CCDC171: variants seen among roughly 807,000 people sequenced by gnomAD.
The protein encoded by CCDC171 is coiled-coil domain containing 171.
A neutral mutation model predicts 168.2 loss-of-function variants in CCDC171; 177 were observed. The observed-to-expected ratio is 1.05, with a 90% confidence interval of 0.93 to 1.19. The LOEUF (loss-of-function observed/expected upper bound fraction) is 1.19. CCDC171 is among the 50% of genes most tolerant of loss of function. CCDC171 has a pLI of 0.00. For synonymous variants in CCDC171, 687 were observed against 540.8 expected, an observed-to-expected ratio of 1.27 and a Z score of -3.75; for missense variants, 1,991 against 1,539.0, an observed-to-expected ratio of 1.29 and a Z score of -4.91.
chr9:15,810,994 T>C lies in CCDC171; in HGVS notation c.3267+26300T>C, dbSNP rs73420311. 9.2e-3 allele frequency among the ~76,000 whole-genome samples: 1,402 copies of C among 152,364 alleles called. 14 individuals carry two copies. Among genetic ancestry groups the C allele is most frequent in the African/African-American group, 0.031 (1,275 of 41,594 alleles). On this transcript the variant is annotated intron_variant, in intron 21 of 25. Coordinates refer to ENST00000380701, the MANE Select transcript of CCDC171 (RefSeq NM_173550.4). ...ATGGCAAGTGCTCACTAGTTTCATG[T>C]GGCTAGTAACTGTCATATCAGCAGC... is the stretch of plus-strand genomic sequence containing the variant.
intron 6 of CCDC171, among the ~76,000 whole-genome samples, chr9:15,610,473 A>C (rs867781583): frequency 8.4e-4 from 118 of 141,040 alleles, no homozygotes; most frequent in African/African-American, 1.4e-3. Flanking sequence ...AAAAAAAAAA[A>C]AAAAAAAACT....
intron 23 of CCDC171, among the ~76,000 whole-genome samples, chr9:15,861,694 A>G (rs1380933691): frequency 2.9e-4 from 1 of 3,398 alleles, no homozygotes; most frequent in Non-Finnish European, 6.4e-4. Context: ...TGGTGTATTC[A>G]TTCATTCATT....
chr9:15,857,702 G>A (rs188059955), intron 23 of CCDC171, among the ~76,000 whole-genome samples: 1 of 152,018 alleles, frequency 6.6e-6, no homozygotes, highest in East Asian at 1.9e-4. Context: ...GGGATTACAG[G>A]CATGAGCCAC....
chr9:15,651,706 A>G (rs1430564523), intron 7 of CCDC171, among the ~76,000 whole-genome samples: 6 of 152,158 alleles, frequency 3.9e-5, no homozygotes, highest in Non-Finnish European at 4.4e-5. Context: ...ATGGCCAAGT[A>G]GTATTCCATT....
intron 7 of CCDC171, among the ~76,000 whole-genome samples, chr9:15,656,190 G>A (rs748694587): frequency 6.6e-6 from 1 of 151,986 alleles, no homozygotes; most frequent in Non-Finnish European, 1.5e-5. Context: ...GTGGTGGCCG[G>A]TACGTGTAGT....
intron 7 of CCDC171, among the ~76,000 whole-genome samples, chr9:15,632,215 A>G (rs2045773690): frequency 6.9e-6 from 1 of 145,708 alleles, no homozygotes; most frequent in Non-Finnish European, 1.5e-5. Context: ...CAGTTAGGAA[A>G]AGAGGAAGTC....
In CCDC171 at chr9:16,023,466, T is replaced by G. The variant is rs564226321; in HGVS notation, n.998+558T>G. ...TTAACATCTCAAGAAATAATGAACA[T>G]TGCCGCACTGACTTAAGAATCACCA... On this transcript the variant is annotated intron_variant and non_coding_transcript_variant, in intron 6 of 9. Coordinates refer to the CCDC171 transcript ENST00000486641. 3.3e-5 allele frequency among the ~76,000 whole-genome samples: 5 copies of G among 152,300 alleles called. No homozygotes were observed. The South Asian group carries it at 1.0e-3, about 32-fold the overall frequency.
chr9:15,946,409 T>C (rs1231409692), intron 25 of CCDC171, among the ~76,000 whole-genome samples: 1 of 151,900 alleles, frequency 6.6e-6, no homozygotes, highest in Admixed American at 6.6e-5. Flanking sequence ...ATGAGTGAAC[T>C]CCCATTCACA....
At chr9:15,846,237 T>G (rs1362810126) in intron 21 of CCDC171, among the ~76,000 whole-genome samples, 3 of 152,140 alleles carry the variant, frequency 2.0e-5, no homozygotes, top group African/African-American at 7.2e-5. Flanking sequence ...TCTTTCATCT[T>G]GGGTTTACCA....
chr9:15,593,316 T>C (rs919402826), intron 5 of CCDC171, among the ~76,000 whole-genome samples: 1 of 152,124 alleles, frequency 6.6e-6, no homozygotes, highest in Admixed American at 6.6e-5. Context: ...AGTTAGAAAA[T>C]TGGGCTTCTC....
At chr9:15,602,413 A>G (rs2042920657) in intron 6 of CCDC171, among the ~76,000 whole-genome samples, 1 of 149,842 alleles carries the variant, frequency 6.7e-6, no homozygotes, top group Admixed American at 6.7e-5. Flanking sequence ...GTGAAACCCC[A>G]TCTTTAATAG....
At chr9:15,774,982 A>C (rs2135345806) in intron 18 of CCDC171, among the ~76,000 whole-genome samples, 1 of 152,298 alleles carries the variant, frequency 6.6e-6, no homozygotes, top group African/African-American at 2.4e-5. Context: ...GAGGGATAAA[A>C]GACTACACAT....
chr9:15,642,343 G>GTGTATATATATATATGTATATA, intron 7 of CCDC171, among the ~76,000 whole-genome samples: 1 of 107,564 alleles, frequency 9.3e-6, no homozygotes, highest in South Asian at 2.6e-4. Context: ...GTGTGTGTGT[G>GTGTATATATATATATGTATATA]TATATATATA....
chr9:15,754,937 T>A (rs919532824), intron 18 of CCDC171, among the ~76,000 whole-genome samples: 7 of 152,174 alleles, frequency 4.6e-5, no homozygotes, highest in African/African-American at 7.2e-5. Context: ...TTGGTTGATC[T>A]TAGAATTTCA....
Position 15,930,403 on chromosome 9 carries a change from T to TA in CCDC171, c.3753+9991dup, listed in dbSNP as rs1042533236. Among the ~76,000 whole-genome samples, 18 of 146,592 alleles carry TA rather than the reference T, an allele frequency of 1.2e-4. 1 individual carries two copies. The highest frequency in any genetic ancestry group is 4.3e-4 in the South Asian group (2 of 4,630). ...GGATGTTTCTTCTCACTACTTTTCC[T>TA]AAAAAAAAAAGACAACACAGAATTA... On this transcript the variant is annotated intron_variant, in intron 25 of 25. Transcript: ENST00000380701.
chr9:16,029,044 C>T (rs1341069119), intron 6 of CCDC171, among the ~76,000 whole-genome samples: 1 of 151,944 alleles, frequency 6.6e-6, no homozygotes, highest in East Asian at 1.9e-4. Context: ...CTGAAAAGAC[C>T]CAGAATAATG....
In CCDC171 at chr9:15,730,698, A is replaced by G. The variant is rs143474212; in HGVS notation, c.2049+900A>G. Among the ~76,000 whole-genome samples the G allele has an allele frequency of 7.1e-4, 108 of 151,998 alleles. No individual in the cohort carries two copies. The Middle Eastern group carries it at 0.014, about 19-fold the overall frequency. On this transcript the variant is annotated intron_variant, in intron 16 of 25. Coordinates refer to ENST00000380701, the MANE Select transcript of CCDC171 (RefSeq NM_173550.4). ...ATTATATTAAATCAGGTCATTCTGT[A>G]TCCCCAAATTTAAAGGTCCTATATG...
At chr9:16,026,554 A>T (rs1833278493) in intron 6 of CCDC171, among the ~76,000 whole-genome samples, 1 of 152,114 alleles carries the variant, frequency 6.6e-6, no homozygotes, top group Non-Finnish European at 1.5e-5. Context: ...CTTGATCCTC[A>T]ATACGGAACT....
At position 15,752,489 on chromosome 9, in the gene CCDC171, C is replaced by T. The variant is rs560077443; in HGVS notation, c.2671+6858C>T. Among the ~76,000 whole-genome samples, 8 of 152,190 alleles carry T rather than the reference C, an allele frequency of 5.3e-5. No individual in the cohort carries two copies. The East Asian group carries it at 1.2e-3, about 22-fold the overall frequency. On this transcript the variant is annotated intron_variant, in intron 18 of 25. Coordinates refer to ENST00000380701, the MANE Select transcript of CCDC171 (RefSeq NM_173550.4). Reference sequence around the variant, plus strand: ...CGGCACCATAGCAAAGACTTGGAACCGACCTAATGTCCATCAATAATAGAC... The same window carrying T: ...CGGCACCATAGCAAAGACTTGGAACTGACCTAATGTCCATCAATAATAGAC...
Sources: gnomAD v4.1 joint callset for allele counts (sites outside exome capture counted in the v4.1 genomes callset) on GRCh38, gnomAD v4.1.1 for gene constraint, MANE v1.5 for transcripts, NCBI Gene and HGNC (gene_info 2026-07-23, HGNC 2026-07-21) for gene names.